TSHR: variants seen among roughly 807,000 people sequenced by gnomAD.
TSHR encodes the protein thyroid stimulating hormone receptor.
In TSHR, 51 loss-of-function variants were observed where a neutral mutation model predicts 64.1. The ratio of observed to expected loss-of-function variants is 0.80; its 90% CI spans 0.64 to 1.01. The LOEUF (loss-of-function observed/expected upper bound fraction) is 1.01, where lower values mean the gene tolerates loss of function less well. TSHR is among the 50% of genes least tolerant of loss of function. The pLI is 0.00. For synonymous variants in TSHR, 361 were observed against 361.9 expected (o/e 1.00, Z 0.03); for missense variants, 877 against 942.8 (o/e 0.93, Z 0.91).
intron 4 of TSHR, among the ~76,000 whole-genome samples, chr14:81,088,524 A>T (rs1888461590): frequency 6.6e-6 from 1 of 152,210 alleles, no homozygotes; most frequent in Non-Finnish European, 1.5e-5. Context: ...AAAACACCTT[A>T]TGAGCTAACC....
At chr14:81,042,618 G>T (rs114732673) in intron 1 of TSHR, among the ~76,000 whole-genome samples, 1 of 152,040 alleles carries the variant, frequency 6.6e-6, no homozygotes, top group Admixed American at 6.6e-5. Flanking sequence ...TAGGGAAGTG[G>T]TGACCACAGG....
At chr14:80,980,423 C>T (rs1374221576) in intron 1 of TSHR, among the ~76,000 whole-genome samples, 1 of 152,140 alleles carries the variant, frequency 6.6e-6, no homozygotes, top group Non-Finnish European at 1.5e-5. Flanking sequence ...TGCCACTATC[C>T]ACTTTTTCCT....
At chr14:81,067,559 G>C (rs1886722957) in intron 2 of TSHR, among the ~76,000 whole-genome samples, 1 of 146,280 alleles carries the variant, frequency 6.8e-6, no homozygotes, top group African/African-American at 2.5e-5. Flanking sequence ...ACATATGTAT[G>C]GCAGGTTCAA....
intron 1 of TSHR, among the ~76,000 whole-genome samples, chr14:81,034,869 A>G (rs2139829721): frequency 6.6e-6 from 1 of 152,350 alleles, no homozygotes; most frequent in Non-Finnish European, 1.5e-5. Context: ...AAGGGTTTGT[A>G]ACTCCAGAAG....
At chr14:81,007,741 T>C (rs954577823) in intron 1 of TSHR, among the ~76,000 whole-genome samples, 1 of 152,224 alleles carries the variant, frequency 6.6e-6, no homozygotes, top group African/African-American at 2.4e-5. Flanking sequence ...CAGGACTGGA[T>C]TAGTCCATTT....
At chr14:81,013,491 T>A (rs1291809950) in intron 1 of TSHR, 1 of 152,192 alleles carries the variant, frequency 6.6e-6, no homozygotes, top group Non-Finnish European at 1.5e-5. Context: ...AATAAACAGA[T>A]GTTTATAAAG....
chr14:81,140,697 T>C (rs1891646881), intron 9 of TSHR, among the ~76,000 whole-genome samples: 1 of 152,230 alleles, frequency 6.6e-6, no homozygotes, highest in South Asian at 2.1e-4. Context: ...CTAATCCACC[T>C]TCATCATCTC....
At chr14:81,022,202 G>A (rs1409827315) in intron 1 of TSHR, among the ~76,000 whole-genome samples, 10 of 151,884 alleles carry the variant, frequency 6.6e-5, no homozygotes, top group Admixed American at 2.0e-4. Context: ...CACGAGAGGC[G>A]GAGCTTGCAG....
At chr14:81,087,092 C>G (rs1888337951) in intron 3 of TSHR, among the ~76,000 whole-genome samples, 1 of 152,132 alleles carries the variant, frequency 6.6e-6, no homozygotes, top group African/African-American at 2.4e-5. Context: ...TTCAATAAAA[C>G]TTTAAAAATT....
chr14:81,055,067 C>T (rs990236544), intron 1 of TSHR, among the ~76,000 whole-genome samples: 2 of 152,080 alleles, frequency 1.3e-5, no homozygotes, highest in Non-Finnish European at 2.9e-5. Context: ...TGGGCTGGGC[C>T]TAGGTTCCCT....
intron 1 of TSHR, chr14:81,001,666 T>A: frequency 1.9e-6 from 1 of 516,504 alleles, no homozygotes. Flanking sequence ...AGATACTTGG[T>A]GGCTTTTCGT....
At position 81,144,686 on chromosome 14, in the gene TSHR, G is replaced by A. The variant is rs1002123882; in HGVS notation, c.*333G>A. ...ATATTAACTGAGCTATGTCAATATA[G>A]AGCTTCTCAGTTTTGTATAACATTT... is the stretch of plus-strand genomic sequence containing the variant. On this transcript the variant is annotated 3_prime_UTR_variant, in exon 10 of 10. Coordinates refer to ENST00000298171, the MANE Select transcript of TSHR (RefSeq NM_000369.5). The A allele has an allele frequency of 2.1e-5, 7 of 329,582 alleles. No homozygotes were observed. The highest frequency in any genetic ancestry group is 4.4e-5 in the Admixed American group (1 of 22,508). The allele number at this position is 329,582 out of a possible 1,614,324, so 20.4% of individuals were successfully genotyped here.
intron 9 of TSHR, 39 bp downstream of exon 9, chr14:81,139,906 T>C: frequency 6.2e-7 from 1 of 1,610,708 alleles, no homozygotes; most frequent in Non-Finnish European, 8.5e-7. Flanking sequence ...CAAAAGACCT[T>C]GGTGGAAGTG....
At chr14:81,092,493 A>T (rs1323050126) in intron 5 of TSHR, 38 bp from the exon 6 acceptor site, 1 of 1,598,754 alleles carries the variant, frequency 6.3e-7, no homozygotes, top group African/African-American at 1.3e-5. Context: ...GAAGGAAAGC[A>T]TTTTTTCATT....
At chr14:80,993,415 G>A (rs1888848315) in intron 1 of TSHR, 1 of 152,062 alleles carries the variant, frequency 6.6e-6, no homozygotes, top group Non-Finnish European at 1.5e-5. Flanking sequence ...ATTTAACTAT[G>A]AGTATATGCC....
chr14:81,058,694 C>T (rs1886003758), intron 1 of TSHR, among the ~76,000 whole-genome samples: 1 of 152,118 alleles, frequency 6.6e-6, no homozygotes, highest in Admixed American at 6.5e-5. Context: ...AAGTGAAGCA[C>T]TTTGAAGATT....
intron 8 of TSHR, 140 bp from the exon 9 acceptor site, chr14:81,139,539 A>G: frequency 1.1e-6 from 1 of 879,858 alleles, no homozygotes; most frequent in South Asian, 1.4e-5. Flanking sequence ...TTAGACCAGA[A>G]GCTCAGCTTA....
rs754389181 is a variant in TSHR at position 81,143,669 on chromosome 14, C to T, written c.1611C>T (p.His537=). 32 of 1,614,084 alleles carry T rather than the reference C, an allele frequency of 2.0e-5. No homozygotes were observed. Among genetic ancestry groups the T allele is most frequent in the Middle Eastern group, 1.6e-4 (1 of 6,084 alleles). ...TGGACCGGAAGATCCGCCTCAGGCA[C>T]GCATGTGCCATCATGGTTGGGGGCT... ...MRLDRKIRLR[H]ACAIMVGGWV... The change falls in exon 10 of 10, where the codon CAC becomes CAT. Residue 537 remains histidine, a synonymous_variant. Coordinates refer to ENST00000298171, the MANE Select transcript of TSHR (RefSeq NM_000369.5).
rs762316246 is a variant in TSHR at position 81,103,035 on chromosome 14, C to T, written c.615-5340C>T. On this transcript the variant is annotated intron_variant, in intron 7 of 9. Transcript: ENST00000298171. This position sits in a 1 kb window ranked among gnomAD's most constrained non-coding sequence, Gnocchi z 4.1. ...GACTCCTAGTCAATAGAAATTTATTCTTTCCTAGATTTAAGCACTTCAGTA... is the reference window on the plus strand; with the variant it reads ...GACTCCTAGTCAATAGAAATTTATTTTTTCCTAGATTTAAGCACTTCAGTA... 2 of 985,234 alleles carry T rather than the reference C, an allele frequency of 2.0e-6. No homozygotes were observed. The highest frequency in any genetic ancestry group is 1.2e-6 in the Non-Finnish European group (1 of 829,922). The allele number at this position is 985,234 out of a possible 1,614,324, so 61.0% of individuals were successfully genotyped here. A position where few individuals can be genotyped will look rare whatever the true frequency, so the allele number is the denominator to read the frequency against.
Sources: gnomAD v4.1 joint callset for allele counts (sites outside exome capture counted in the v4.1 genomes callset) on GRCh38, gnomAD v4.1.1 for gene constraint, Gnocchi (gnomAD v3.1) non-coding constraint, MANE v1.5 for transcripts, NCBI Gene and HGNC (gene_info 2026-07-23, HGNC 2026-07-21) for gene names.